PRKG1: variants seen among roughly 807,000 people sequenced by gnomAD.
PRKG1 encodes cGMP-dependent protein kinase 1.
In PRKG1, 35 loss-of-function variants were observed where a neutral mutation model predicts 88.1. That is an observed-to-expected ratio of 0.40 (90% CI 0.30 to 0.53). The LOEUF (loss-of-function observed/expected upper bound fraction) is 0.53, where lower values mean the gene tolerates loss of function less well. Among genes scored for constraint, PRKG1 ranks in the 20% least tolerant of loss-of-function variants. PRKG1 has a pLI of 0.59. For missense variants in PRKG1, 540 were observed against 839.8 expected (o/e 0.64, Z 4.41); for synonymous variants, 303 against 292.5 (o/e 1.04, Z -0.37).
intron 3 of PRKG1, among the ~76,000 whole-genome samples, chr10:51,551,286 A>T (rs1837125994): frequency 6.6e-6 from 1 of 151,846 alleles, no homozygotes; most frequent in African/African-American, 2.4e-5. Flanking sequence ...AGGAATTCAA[A>T]GTTTTTCTCT....
intron 4 of PRKG1, among the ~76,000 whole-genome samples, chr10:51,850,275 C>T (rs918640999): frequency 6.6e-6 from 1 of 152,168 alleles, no homozygotes; most frequent in African/African-American, 2.4e-5. Context: ...ATCCCGGGTT[C>T]AAGCGATTCT....
intron 1 of PRKG1, among the ~76,000 whole-genome samples, chr10:51,003,474 A>G (rs952406606): frequency 1.3e-5 from 2 of 152,194 alleles, no homozygotes; most frequent in Non-Finnish European, 2.9e-5. Flanking sequence ...GAAAAAGAAG[A>G]AAAAGTTTCT....
intron 2 of PRKG1, among the ~76,000 whole-genome samples, chr10:51,207,440 G>A (rs1838091364): frequency 6.6e-6 from 1 of 152,150 alleles, no homozygotes; most frequent in African/African-American, 2.4e-5. Context: ...GGCTCTGACT[G>A]TCTCTCAAGA....
At chr10:51,718,378 T>G (rs1304061375) in intron 3 of PRKG1, among the ~76,000 whole-genome samples, 1 of 152,144 alleles carries the variant, frequency 6.6e-6, no homozygotes, top group African/African-American at 2.4e-5. Flanking sequence ...GTGGCTATGC[T>G]ACTGTGGGCC....
intron 2 of PRKG1, among the ~76,000 whole-genome samples, chr10:51,325,600 A>C (rs1306707419): frequency 6.6e-6 from 1 of 152,228 alleles, no homozygotes; most frequent in Non-Finnish European, 1.5e-5. Context: ...TTTGCTATGC[A>C]GAAGCTTTTT....
At chr10:52,066,261 C>T (rs757846504) in intron 7 of PRKG1, among the ~76,000 whole-genome samples, 11 of 152,140 alleles carry the variant, frequency 7.2e-5, no homozygotes, top group Non-Finnish European at 1.0e-4. Flanking sequence ...TATTGGCACT[C>T]TTTAGAATTT....
intron 2 of PRKG1, among the ~76,000 whole-genome samples, chr10:51,337,716 G>C (rs1223575281): frequency 6.6e-6 from 1 of 152,154 alleles, no homozygotes; most frequent in African/African-American, 2.4e-5. Flanking sequence ...TCTCATGCTG[G>C]TCAGAACAAT....
At chr10:51,299,808 G>A (rs1255667333) in intron 2 of PRKG1, among the ~76,000 whole-genome samples, 1 of 152,076 alleles carries the variant, frequency 6.6e-6, no homozygotes, top group African/African-American at 2.4e-5. Context: ...ATTCAATAAA[G>A]GACTCTTTAA....
intron 5 of PRKG1, among the ~76,000 whole-genome samples, chr10:52,053,602 C>T (rs1433880725): frequency 6.6e-6 from 1 of 152,168 alleles, no homozygotes; most frequent in African/African-American, 2.4e-5. Context: ...CTTGACCCAG[C>T]AGTATACTTT....
intron 12 of PRKG1, among the ~76,000 whole-genome samples, chr10:52,275,157 T>C (rs1841842346): frequency 6.6e-6 from 1 of 152,188 alleles, no homozygotes; most frequent in Non-Finnish European, 1.5e-5. Context: ...TGACTGTTCC[T>C]TTCGCCATGC....
intron 3 of PRKG1, among the ~76,000 whole-genome samples, chr10:51,604,174 T>C (rs1838693451): frequency 6.6e-6 from 1 of 151,832 alleles, no homozygotes; most frequent in Non-Finnish European, 1.5e-5. Flanking sequence ...ATGCTAAATT[T>C]ATTTATATTC....
intron 2 of PRKG1, among the ~76,000 whole-genome samples, chr10:51,276,392 C>G (rs1840118365): frequency 6.6e-6 from 1 of 152,168 alleles, no homozygotes; most frequent in South Asian, 2.1e-4. Context: ...GGTTCCAAGT[C>G]TTTACTATTG....
At chr10:51,913,263 G>T (rs1024922269) in intron 5 of PRKG1, among the ~76,000 whole-genome samples, 1 of 152,124 alleles carries the variant, frequency 6.6e-6, no homozygotes, top group Non-Finnish European at 1.5e-5. Context: ...ACATGAACAG[G>T]TTTGTTACAC....
chr10:52,285,576 T>C (rs1388859560), intron 14 of PRKG1, among the ~76,000 whole-genome samples: 3 of 152,100 alleles, frequency 2.0e-5, no homozygotes, highest in Non-Finnish European at 4.4e-5. Flanking sequence ...CAGTTTGAGC[T>C]GATGTTTTCC....
At chr10:51,233,322 A>G (rs1838895715) in intron 2 of PRKG1, among the ~76,000 whole-genome samples, 1 of 152,168 alleles carries the variant, frequency 6.6e-6, no homozygotes, top group Non-Finnish European at 1.5e-5. Context: ...AGAACACCCC[A>G]TTTTACAATA....
intron 2 of PRKG1, among the ~76,000 whole-genome samples, chr10:51,337,416 C>T (rs888283620): frequency 6.6e-6 from 1 of 152,066 alleles, no homozygotes; most frequent in African/African-American, 2.4e-5. Context: ...CAAATGGGAT[C>T]TAATTAAACT....
At chr10:52,175,582 T>C (rs1838841567) in intron 9 of PRKG1, among the ~76,000 whole-genome samples, 1 of 152,108 alleles carries the variant, frequency 6.6e-6, no homozygotes, top group South Asian at 2.1e-4. Context: ...CTGTTCTCCA[T>C]AGTGGATATT....
chr10:51,786,072 CATT>C (rs1480432959), intron 3 of PRKG1, among the ~76,000 whole-genome samples: 1 of 152,120 alleles, frequency 6.6e-6, no homozygotes, highest in Non-Finnish European at 1.5e-5. Context: ...CTGTAGCTAA[CATT>C]ATTTCCAGAA....
chr10:51,385,126 G>A (rs187171786), intron 2 of PRKG1, among the ~76,000 whole-genome samples: 1 of 152,314 alleles, frequency 6.6e-6, no homozygotes, highest in African/African-American at 2.4e-5. Flanking sequence ...TGCTTAAAGT[G>A]CATGCCTTAA....
Sources: gnomAD v4.1 joint callset for allele counts (sites outside exome capture counted in the v4.1 genomes callset) on GRCh38, gnomAD v4.1.1 for gene constraint, MANE v1.5 for transcripts, NCBI Gene and HGNC (gene_info 2026-07-23, HGNC 2026-07-21) for gene names.